Variants in CACNG8 observed in about 807,000 individuals in gnomAD.
The protein encoded by CACNG8 is calcium voltage-gated channel auxiliary subunit gamma 8, also known as voltage-dependent calcium channel gamma-8 subunit.
Under a neutral mutation model 26.9 loss-of-function variants are expected in CACNG8, and 5 were observed. That is an observed-to-expected ratio of 0.19 (90% CI 0.10 to 0.39). The LOEUF (loss-of-function observed/expected upper bound fraction) is 0.39, where lower values mean the gene tolerates loss of function less well. Among genes scored for constraint, CACNG8 ranks in the 10% least tolerant of loss-of-function variants. CACNG8 has a pLI of 1.00. For missense variants in CACNG8, 473 were observed against 609.4 expected, an observed-to-expected ratio of 0.78 and a Z score of 2.36; for synonymous variants, 321 against 296.7, an observed-to-expected ratio of 1.08 and a Z score of -0.84.
At chr19:53,975,452 G>A (rs111234235) in intron 1 of CACNG8, among the ~76,000 whole-genome samples, 29 of 151,898 alleles carry the variant, frequency 1.9e-4, no homozygotes, top group Admixed American at 1.4e-3. Flanking sequence ...CGATCTCAGC[G>A]CGCTGCAACC....
chr19:53,967,619 G>A (rs2069278845), intron 1 of CACNG8, among the ~76,000 whole-genome samples: 2 of 152,238 alleles, frequency 1.3e-5, no homozygotes, highest in East Asian at 1.9e-4. Flanking sequence ...CGGATCACCT[G>A]AGGTCAGGAG....
rs1380577301 is a variant in CACNG8 at position 53,980,072 on chromosome 19, G to A, written c.508+65G>A. 57 of 1,435,784 alleles carry A rather than the reference G, an allele frequency of 4.0e-5. 2 individuals carry two copies. In the South Asian group the frequency reaches 7.7e-4, roughly 19 times the overall value. The allele number at this position is 1,435,784 out of a possible 1,614,324, so 88.9% of individuals were successfully genotyped here. On this transcript the variant is annotated intron_variant, in intron 3 of 3. Transcript: ENST00000270458. ...TGGGCGCGCACGTGTGTGTGTGTGTGTGTGTGTGTGTGTGCGCGCGCGCGC... is the reference window on the plus strand; with the variant it reads ...TGGGCGCGCACGTGTGTGTGTGTGTATGTGTGTGTGTGTGCGCGCGCGCGC...
At chr19:53,978,351 G>T (rs942490143) in intron 2 of CACNG8, 122 bp downstream of exon 2, 6 of 694,818 alleles carry the variant, frequency 8.6e-6, no homozygotes, top group Non-Finnish European at 1.5e-5. Flanking sequence ...GCCGAGGTTA[G>T]CCTCCCAGCC....
intron 3 of CACNG8, 76 bp downstream of exon 3, chr19:53,980,083 T>TAC: frequency 1.7e-4 from 212 of 1,225,978 alleles, no homozygotes; most frequent in Middle Eastern, 2.3e-4. Context: ...TGTGTGTGTG[T>TAC]GTGCGCGCGC....
intron 3 of CACNG8, 83 bp from the exon 4 acceptor site, chr19:53,981,997 C>G (rs1600037776): frequency 7.3e-7 from 1 of 1,366,786 alleles, no homozygotes; most frequent in Admixed American, 4.6e-5. Context: ...GGCCCGCTGG[C>G]GCAGGCGGGC....
intron 1 of CACNG8, among the ~76,000 whole-genome samples, chr19:53,964,913 A>G (rs1348782397): frequency 6.6e-6 from 1 of 152,116 alleles, no homozygotes; most frequent in East Asian, 1.9e-4. Context: ...CCTTCGGCCA[A>G]AAGATTGAAA....
Position 53,988,903 on chromosome 19 carries a change from C to T in CACNG8, c.*6054C>T, listed in dbSNP as rs2069423398. 1 of 152,252 alleles carries T rather than the reference C, an allele frequency of 6.6e-6. No individual in the cohort carries two copies. The highest frequency in any genetic ancestry group is 6.5e-5 in the Admixed American group (1 of 15,278). The allele number at this position is 152,252 out of a possible 1,614,324, so 9.4% of individuals were successfully genotyped here. The stretch of plus-strand genomic sequence containing the variant: ...ATTCCCCCTGTAGACCCTGTCAAGA[C>T]CTATTGAGGTGAAGGGGAAGAACAC... On this transcript the variant is annotated 3_prime_UTR_variant, in exon 4 of 4. Coordinates refer to ENST00000270458, the MANE Select transcript of CACNG8 (RefSeq NM_031895.6).
At position 53,982,741 on chromosome 19, in the gene CACNG8, G is replaced by A. The variant is rs1386691469; in HGVS notation, c.1170G>A (p.Pro390=). Reference sequence around the variant, plus strand: ...TCACGGTCACCGGGCCGCCCGCCCCGCCCGCGCCCGCGCCACCCGCGCCCT... The same window carrying A: ...TCACGGTCACCGGGCCGCCCGCCCCACCCGCGCCCGCGCCACCCGCGCCCT... Residue 390 remains proline (P), a synonymous_variant, in exon 4 of 4, where the codon CCG becomes CCA. Transcript: ENST00000270458. The surrounding 1 kb of genome is among the most constrained non-coding windows in gnomAD (Gnocchi z 8.4). 4 of 1,164,960 alleles carry A rather than the reference G, an allele frequency of 3.4e-6. 1 individual carries two copies. Among genetic ancestry groups the A allele is most frequent in the African/African-American group, 3.3e-5 (2 of 61,518 alleles). 72.2% of individuals were successfully genotyped at this position (1,164,960 alleles called of 1,614,324 possible).
intron 2 of CACNG8, among the ~76,000 whole-genome samples, chr19:53,978,433 C>A (rs893106295): frequency 6.6e-6 from 1 of 152,160 alleles, no homozygotes; most frequent in African/African-American, 2.4e-5. Context: ...CCCCTCCTCT[C>A]ACCTTGGGGC....
intron 1 of CACNG8, among the ~76,000 whole-genome samples, chr19:53,964,213 C>G (rs1176279312): frequency 6.6e-6 from 1 of 151,748 alleles, no homozygotes; most frequent in African/African-American, 2.4e-5. Flanking sequence ...CGACATTTCC[C>G]CCCCAGTCCT....
intron 1 of CACNG8, among the ~76,000 whole-genome samples, chr19:53,963,942 C>G (rs1283867724): frequency 6.6e-6 from 1 of 151,948 alleles, no homozygotes; most frequent in African/African-American, 2.4e-5. Context: ...GCTGGGACCA[C>G]AGGCATGAGC....
chr19:53,982,240 C>T lies in CACNG8; in HGVS notation c.669C>T (p.Ala223=), dbSNP rs573460921. The change falls in exon 4 of 4, where the codon GCC becomes GCT. Residue 223 remains alanine, a synonymous_variant. Coordinates refer to ENST00000270458, the MANE Select transcript of CACNG8 (RefSeq NM_031895.6). This position sits in a 1 kb window ranked among gnomAD's most constrained non-coding sequence, Gnocchi z 8.4. ...TGGCCGAGGTGATAGGCGTGCTGGC[C>T]GTCAACATCTACATCGAGCGCAGCC... 91 of 1,612,828 alleles carry T rather than the reference C, an allele frequency of 5.6e-5. No homozygotes were observed. The East Asian group carries it at 1.3e-3, about 23-fold the overall frequency.
chr19:53,968,278 G>A (rs2069282246), intron 1 of CACNG8, among the ~76,000 whole-genome samples: 1 of 151,936 alleles, frequency 6.6e-6, no homozygotes, highest in African/African-American at 2.4e-5. Flanking sequence ...AGGAGGCTTA[G>A]GTGGGAGGAT....
intron 1 of CACNG8, among the ~76,000 whole-genome samples, chr19:53,972,828 C>T (rs893000716): frequency 6.6e-6 from 1 of 152,114 alleles, no homozygotes; most frequent in East Asian, 1.9e-4. Context: ...GATTCCAGAG[C>T]CCACGATCAA....
At position 53,980,150 on chromosome 19, in the gene CACNG8, C is replaced by G. The variant is rs537548070; in HGVS notation, c.508+143C>G. On this transcript the variant is annotated intron_variant, in intron 3 of 3. Coordinates refer to ENST00000270458, the MANE Select transcript of CACNG8 (RefSeq NM_031895.6). ...TGCAAAGCCACCTTGCCCCGAGCAC[C>G]CCCGGGGGCCCGGAGCCTTCCTAGG... The G allele has an allele frequency of 7.6e-5, 67 of 885,088 alleles. No homozygotes were observed. The African/African-American group carries it at 9.9e-4, about 13-fold the overall frequency. 54.8% of individuals were successfully genotyped at this position (885,088 alleles called of 1,614,324 possible).
chr19:53,979,757 C>A, intron 2 of CACNG8, 110 bp from the exon 3 acceptor site: 1 of 1,153,294 alleles, frequency 8.7e-7, no homozygotes, highest in Non-Finnish European at 1.2e-6. Context: ...GAGAGAGAAT[C>A]ACAGAACTGT....
At chr19:53,973,629 C>T (rs1342662784) in intron 1 of CACNG8, among the ~76,000 whole-genome samples, 1 of 152,132 alleles carries the variant, frequency 6.6e-6, no homozygotes, top group Non-Finnish European at 1.5e-5. Context: ...GAGATCGAGA[C>T]CATCCTGGCT....
At chr19:53,970,671 C>T (rs1282311347) in intron 1 of CACNG8, among the ~76,000 whole-genome samples, 1 of 150,322 alleles carries the variant, frequency 6.7e-6, no homozygotes, top group East Asian at 2.0e-4. Context: ...ACTGGCTCAC[C>T]CCTGTAATCC....
chr19:53,983,770 GGCAGGCAGAGCA>G lies in CACNG8; in HGVS notation c.*925_*936del, dbSNP rs1183077340. The G allele has an allele frequency of 2.0e-5, 3 of 152,572 alleles. No homozygotes were observed. Among genetic ancestry groups the G allele is most frequent in the African/African-American group, 7.2e-5 (3 of 41,446 alleles). The allele number at this position is 152,572 out of a possible 1,614,324, so 9.5% of individuals were successfully genotyped here. ...CAGGGCGGAGCTGGGGCAGGAGTGT[GGCAGGCAGAGCA>G]GCACGTGCAAAGGCCCCGGGGCAGG... On this transcript the variant is annotated 3_prime_UTR_variant, in exon 4 of 4. Transcript: ENST00000270458.
Sources: gnomAD v4.1 joint callset for allele counts (sites outside exome capture counted in the v4.1 genomes callset) on GRCh38, gnomAD v4.1.1 for gene constraint, Gnocchi (gnomAD v3.1) non-coding constraint, MANE v1.5 for transcripts, NCBI Gene and HGNC (gene_info 2026-07-23, HGNC 2026-07-21) for gene names.